The following ACBD5 variants were observed in gnomAD, a reference collection of about 807,000 sequenced individuals.
ACBD5 encodes the protein acyl-CoA binding domain containing 5.
ACBD5 carries 40 observed loss-of-function variants against 71.8 expected under a neutral mutation model. That is an observed-to-expected ratio of 0.56 (90% CI 0.43 to 0.72). The LOEUF (loss-of-function observed/expected upper bound fraction) is 0.72, where lower values mean the gene tolerates loss of function less well. Ranked by LOEUF, ACBD5 falls within the 30% of genes least tolerant of loss-of-function variation. ACBD5 has a pLI of 0.00. For synonymous variants in ACBD5, 229 were observed against 218.6 expected, an observed-to-expected ratio of 1.05 and a Z score of -0.42; for missense variants, 559 against 644.5, an observed-to-expected ratio of 0.87 and a Z score of 1.44.
In ACBD5 at chr10:27,218,123, C is replaced by T. The variant is rs777784674; in HGVS notation, c.686G>A (p.Gly229Asp). ...CTGAACAAAGCCATCTTTATCATAG[C>T]CATTAGTGACAATGACTTCCAAATT... is the stretch of plus-strand genomic sequence containing the variant. Reference protein sequence around the residue: ...HKNLEVIVTNGYDKDGFVQDI... With the variant: ...HKNLEVIVTNDYDKDGFVQDI... Residue 229 changes from glycine to aspartate, a missense_variant, in exon 7 of 13, where the codon GGC becomes GAC. Gly to Asp is a moderately conservative substitution (Grantham distance 94). Coordinates refer to ENST00000396271, the MANE Select transcript of ACBD5 (RefSeq NM_145698.5). The T allele has an allele frequency of 1.9e-5, 30 of 1,614,046 alleles. No individual in the cohort carries two copies. Among genetic ancestry groups the T allele is most frequent in the Non-Finnish European group, 2.5e-5 (29 of 1,179,946 alleles).
chr10:27,234,441 G>A (rs914301401), intron 3 of ACBD5, among the ~76,000 whole-genome samples: 2 of 141,652 alleles, frequency 1.4e-5, no homozygotes, highest in East Asian at 2.2e-4. Flanking sequence ...AGGCAAAAGA[G>A]GCAGTTAAAA....
At chr10:27,191,895 AAAT>A (rs1385503748), downstream of ACBD5, among the ~76,000 whole-genome samples, 1 of 146,344 alleles carries the variant, frequency 6.8e-6, no homozygotes, top group African/African-American at 2.8e-5. Flanking sequence ...AATCAAAAAA[AAAT>A]AATAACAATA....
At chr10:27,238,835 CAT>C (rs748850959) in intron 2 of ACBD5, among the ~76,000 whole-genome samples, 2 of 152,058 alleles carry the variant, frequency 1.3e-5, no homozygotes, top group Non-Finnish European at 1.5e-5. Flanking sequence ...ACTATAGTAA[CAT>C]ATTATTGTTG....
At chr10:27,207,946 T>G (rs1216964899) in intron 10 of ACBD5, among the ~76,000 whole-genome samples, 1 of 152,048 alleles carries the variant, frequency 6.6e-6, no homozygotes, top group East Asian at 1.9e-4. Context: ...TAGTGGCCAG[T>G]CTGGTCTCAA....
At chr10:27,192,857 C>T (rs550232449), downstream of ACBD5, among the ~76,000 whole-genome samples, 33 of 151,858 alleles carry the variant, frequency 2.2e-4, no homozygotes, top group African/African-American at 8.0e-4. Context: ...GTAATCCCAG[C>T]TACTCAGGAA....
At chr10:27,234,973 T>C (rs1448660972) in intron 3 of ACBD5, 119 bp downstream of exon 3, 1 of 1,019,148 alleles carries the variant, frequency 9.8e-7, no homozygotes, top group Non-Finnish European at 1.4e-6. Context: ...GGATAAAAAT[T>C]GTACCCAATA....
rs142868460 is a variant in ACBD5 at position 27,204,499 on chromosome 10, G to A, written c.1506C>T (p.Ala502=). The change falls in exon 12 of 13, where the codon GCC becomes GCT. Residue 502 remains alanine, a synonymous_variant. Coordinates refer to ENST00000396271, the MANE Select transcript of ACBD5 (RefSeq NM_145698.5). ...FEMSPGVLTF[A]IIWPFIAQWL... ...ACTGTGCAATAAAAGGCCATATGAT[G>A]GCAAACGTTAGCACACCAGGAGACA... 5 of 1,613,900 alleles carry A rather than the reference G, an allele frequency of 3.1e-6. No homozygotes were observed. Among genetic ancestry groups the A allele is most frequent in the Non-Finnish European group, 4.2e-6 (5 of 1,179,990 alleles).
chr10:27,238,031 C>T (rs542450561), intron 2 of ACBD5, among the ~76,000 whole-genome samples: 1 of 151,904 alleles, frequency 6.6e-6, no homozygotes, highest in Admixed American at 6.6e-5. Context: ...CTGCAAGCTC[C>T]GCCTCCCGGG....
intron 4 of ACBD5, among the ~76,000 whole-genome samples, chr10:27,229,118 G>A (rs1363096017): frequency 1.3e-5 from 2 of 150,660 alleles, no homozygotes; most frequent in South Asian, 2.1e-4. Context: ...CACCACAGCC[G>A]GCGTTAAAAG....
chr10:27,210,191 G>C (rs1173083269), intron 9 of ACBD5, among the ~76,000 whole-genome samples: 1 of 152,174 alleles, frequency 6.6e-6, no homozygotes, highest in Non-Finnish European at 1.5e-5. Context: ...GGCAAGTTTT[G>C]TTTTGAATAA....
At chr10:27,225,410 T>C (rs900285943) in intron 4 of ACBD5, among the ~76,000 whole-genome samples, 1 of 152,196 alleles carries the variant, frequency 6.6e-6, no homozygotes, top group African/African-American at 2.4e-5. Flanking sequence ...CATTCCCCAC[T>C]GTGTTATATG....
chr10:27,232,670 T>C (rs1240684309), intron 3 of ACBD5, among the ~76,000 whole-genome samples: 1 of 152,118 alleles, frequency 6.6e-6, no homozygotes, highest in African/African-American at 2.4e-5. Context: ...ACAGGTTCTA[T>C]TAATTTAAAT....
chr10:27,227,178 CA>C (rs2063189493), intron 4 of ACBD5, among the ~76,000 whole-genome samples: 1 of 151,862 alleles, frequency 6.6e-6, no homozygotes, highest in African/African-American at 2.4e-5. Flanking sequence ...TATTATAACC[CA>C]ACCAAATGAA....
chr10:27,202,635 T>C (rs1258434833), intron 12 of ACBD5, among the ~76,000 whole-genome samples: 1 of 152,168 alleles, frequency 6.6e-6, no homozygotes, highest in African/African-American at 2.4e-5. Context: ...ATCTTAAGCA[T>C]AAAATAAATT....
At chr10:27,225,989 G>A (rs2062962179) in intron 4 of ACBD5, among the ~76,000 whole-genome samples, 1 of 152,132 alleles carries the variant, frequency 6.6e-6, no homozygotes, top group African/African-American at 2.4e-5. Flanking sequence ...AGAGTAAACT[G>A]TGGACTGAAG....
chr10:27,186,410 G>T, intron 13 of ACBD5: 1 of 1,613,998 alleles, frequency 6.2e-7, no homozygotes, highest in African/African-American at 1.3e-5. Flanking sequence ...TCAGTGATGT[G>T]GACTGGGAAA....
At position 27,206,576 on chromosome 10, in the gene ACBD5, C is replaced by T. The variant is rs564515807; in HGVS notation, c.1405-1328G>A. ...AGTTACAGTGAGCCAAGGGCAGTGA[C>T]GTGATCTAGGCTCACTGCAACCTCC... is the stretch of plus-strand genomic sequence containing the variant. On this transcript the variant is annotated intron_variant, in intron 10 of 12. Coordinates refer to ENST00000396271, the MANE Select transcript of ACBD5 (RefSeq NM_145698.5). Among the ~76,000 whole-genome samples, 58 of 152,128 alleles carry T rather than the reference C, an allele frequency of 3.8e-4. 2 individuals are homozygous for T. The South Asian group carries it at 0.011, about 28-fold the overall frequency.
intron 4 of ACBD5, among the ~76,000 whole-genome samples, chr10:27,229,353 A>G (rs2483490): frequency 0.95 from 144,767 of 151,866 alleles, 69,065 homozygotes; most frequent in East Asian, 1. Context: ...ACTTTGCAAG[A>G]CCGAGGTGAG....
chr10:27,184,554 ATTTT>A (rs752147433), intron 13 of ACBD5, among the ~76,000 whole-genome samples: 3 of 84,856 alleles, frequency 3.5e-5, no homozygotes, highest in African/African-American at 9.4e-5. Flanking sequence ...TATAAGAAGG[ATTTT>A]TTTTTTTTTT....
Sources: gnomAD v4.1 joint callset for allele counts (sites outside exome capture counted in the v4.1 genomes callset) on GRCh38, gnomAD v4.1.1 for gene constraint, MANE v1.5 for transcripts, NCBI Gene and HGNC (gene_info 2026-07-23, HGNC 2026-07-21) for gene names.